Variants in BRCA1 observed in about 807,000 individuals in gnomAD.
BRCA1 encodes breast cancer type 1 susceptibility protein.
Under a neutral mutation model 173.7 loss-of-function variants are expected in BRCA1, and 140 were observed. The ratio of observed to expected loss-of-function variants is 0.81; its 90% CI spans 0.70 to 0.93. The LOEUF (loss-of-function observed/expected upper bound fraction) is 0.93, where lower values mean the gene tolerates loss of function less well. Among genes scored for constraint, BRCA1 ranks in the 40% least tolerant of loss-of-function variants. BRCA1 has a pLI of 0.00. For synonymous variants in BRCA1, 662 were observed against 756.0 expected (o/e 0.88, Z 2.04); for missense variants, 1,983 against 2,172.5 (o/e 0.91, Z 1.73).
rs1309871110 is a variant in BRCA1, at chr17:43,045,081, G to A, written c.*597C>T. 2 of 525,740 alleles carry A rather than the reference G, an allele frequency of 3.8e-6. No individual in the cohort carries two copies. The highest frequency in any genetic ancestry group is 3.8e-5 in the African/African-American group (2 of 53,316). The allele number at this position is 525,740 out of a possible 1,614,324, so 32.6% of individuals were successfully genotyped here. A position where few individuals can be genotyped will look rare whatever the true frequency, so the allele number is the denominator to read the frequency against. ...GGCCTCCCAAAGTGCTGGGATTACA[G>A]GCGTGAGCCACCATGCCCAGGTTTC... On this transcript the variant is annotated 3_prime_UTR_variant, in exon 23 of 23. Transcript: ENST00000357654.
intron 1 of BRCA1, among the ~76,000 whole-genome samples, chr17:43,151,576 G>A (rs1303108839): frequency 6.6e-6 from 1 of 151,928 alleles, no homozygotes; most frequent in Non-Finnish European, 1.5e-5. Flanking sequence ...TGTGCTAAAA[G>A]TTTTTTTTCC....
intron 7 of BRCA1, among the ~76,000 whole-genome samples, chr17:43,098,636 G>C (rs1019685561): frequency 1.3e-4 from 20 of 150,822 alleles, no homozygotes; most frequent in African/African-American, 4.4e-4. Flanking sequence ...CAAAGTATTG[G>C]GATTACAGGC....
chr17:43,127,186 C>T (rs1388225659), upstream of BRCA1, among the ~76,000 whole-genome samples: 1 of 152,246 alleles, frequency 6.6e-6, no homozygotes, highest in African/African-American at 2.4e-5. Flanking sequence ...CATCGACTGC[C>T]CAAGGGCTGA....
chr17:43,075,760 A>G (rs797019209), intron 13 of BRCA1, among the ~76,000 whole-genome samples: 18 of 152,218 alleles, frequency 1.2e-4, no homozygotes, highest in African/African-American at 4.3e-4. Context: ...ACTGGACTAC[A>G]TAGTCCAGTA....
chr17:43,052,878 GTT>G (rs1202201268), intron 19 of BRCA1, among the ~76,000 whole-genome samples: 7 of 130,350 alleles, frequency 5.4e-5, no homozygotes, highest in Admixed American at 7.8e-5. Flanking sequence ...AAGTCTGTGT[GTT>G]TTTTTTTTTT....
intron 3 of BRCA1, chr17:43,112,341 C>T (rs1014913163): frequency 6.6e-6 from 1 of 152,224 alleles, no homozygotes; most frequent in African/African-American, 2.4e-5. Flanking sequence ...CCACCTCAGC[C>T]TCCCAAAGTG....
Position 43,094,839 on chromosome 17 carries a change from G to T in BRCA1, c.692C>A (p.Thr231Lys), listed in dbSNP as rs80357001. ...AKKAACEFSE[T>K]DVTNTEHHQP... Reference sequence around the variant, plus strand: ...ATGATGTTCAGTATTTGTTACATCCGTCTCAGAAAATTCACAAGCAGCTGA... The same window carrying T: ...ATGATGTTCAGTATTTGTTACATCCTTCTCAGAAAATTCACAAGCAGCTGA... Residue 231 changes from threonine to lysine, a missense_variant, in exon 10 of 23, where the codon ACG becomes AAG. Coordinates refer to ENST00000357654, the MANE Select transcript of BRCA1 (RefSeq NM_007294.4). 1 of 1,612,612 alleles carries T rather than the reference G, an allele frequency of 6.2e-7. No individual in the cohort carries two copies. The highest frequency in any genetic ancestry group is 8.5e-7 in the Non-Finnish European group (1 of 1,179,426).
At chr17:43,062,194 A>G (rs1597817494) in intron 18 of BRCA1, among the ~76,000 whole-genome samples, 1 of 76,260 alleles carries the variant, frequency 1.3e-5, no homozygotes, top group Admixed American at 1.2e-4. Context: ...CCTGGGCTCA[A>G]GTGATTCTTC....
At chr17:43,051,414 C>G (rs1003206634) in intron 19 of BRCA1, among the ~76,000 whole-genome samples, 4 of 152,090 alleles carry the variant, frequency 2.6e-5, no homozygotes, top group Non-Finnish European at 5.9e-5. Context: ...CCAATCAGGC[C>G]AAGGCTCCTC....
rs1567795821 is a variant in BRCA1 at position 43,093,129 on chromosome 17, C to T, written c.2402G>A (p.Cys801Tyr). 2 of 1,613,580 alleles carry T rather than the reference C, an allele frequency of 1.2e-6. No homozygotes were observed. Among genetic ancestry groups the T allele is most frequent in the African/African-American group, 1.3e-5 (1 of 75,026 alleles). Reference sequence around the variant, plus strand: ...TTCAAATGCTGCACACTGACTCACACATTTATTTGGTTCTGTTTTTGCCTT... The same window carrying T: ...TTCAAATGCTGCACACTGACTCACATATTTATTTGGTTCTGTTTTTGCCTT... ...LGKAKTEPNK[C>Y]VSQCAAFENP... Residue 801 changes from cysteine to tyrosine, a missense_variant, in exon 10 of 23, where the codon TGT becomes TAT. Coordinates refer to ENST00000357654, the MANE Select transcript of BRCA1 (RefSeq NM_007294.4).
chr17:43,056,684 AAAG>A (rs2051472918), intron 19 of BRCA1, among the ~76,000 whole-genome samples: 1 of 152,004 alleles, frequency 6.6e-6, no homozygotes. Context: ...GGAAAAAAAA[AAAG>A]AGAGAGAGAG....
rs143652276 is a variant in BRCA1 at position 43,116,863 on chromosome 17, T to C, written c.81-1084A>G. On this transcript the variant is annotated intron_variant, in intron 2 of 22. Transcript: ENST00000357654. ...TAGGTGTCTCTTACTTTTTCTCCCT[T>C]GTCATTTATTTTTAAAATTAGGTCA... Among the ~76,000 whole-genome samples the C allele has an allele frequency of 2.5e-4, 38 of 152,306 alleles. No individual in the cohort carries two copies. The East Asian group carries it at 7.1e-3, about 29-fold the overall frequency.
intron 16 of BRCA1, among the ~76,000 whole-genome samples, chr17:43,067,014 C>T (rs577442222): frequency 9.5e-4 from 141 of 148,316 alleles, no homozygotes; most frequent in African/African-American, 3.5e-3. Flanking sequence ...GACGGGGTTT[C>T]AACACGTTGG....
chr17:43,097,309 AAAAT>A lies in BRCA1; in HGVS notation c.548-24_548-21del, dbSNP rs1158608835. On this transcript the variant is annotated intron_variant, in intron 7 of 22. Coordinates refer to ENST00000357654, the MANE Select transcript of BRCA1 (RefSeq NM_007294.4). ...CAGATCCTAAAAAATTTCCCCCCAAAAAATAAATCAATAAAAGTTTTCTTAATTA... is the reference window on the plus strand; with the variant it reads ...CAGATCCTAAAAAATTTCCCCCCAAAAAATCAATAAAAGTTTTCTTAATTA... 6.3e-7 allele frequency: 1 copy of A among 1,597,732 alleles called. No homozygotes were observed. Among genetic ancestry groups the A allele is most frequent in the African/African-American group, 1.3e-5 (1 of 74,450 alleles).
rs80356914 is a variant in BRCA1, at chr17:43,045,759, C to G, written c.5511G>C (p.Trp1837Cys). ...GGTAGAGTGCTACACTGTCCAACAC[C>G]CACTCTCGGGTCACCACAGGTGCCT... ...MCEAPVVTREWVLDSVALYQC... is the reference protein window; with the variant it reads ...MCEAPVVTRECVLDSVALYQC... The change falls in exon 23 of 23, where the codon TGG (tryptophan) becomes TGC (cysteine). Residue 1837 changes from tryptophan to cysteine, a missense_variant. Physicochemically the swap from Trp to Cys is radical, Grantham distance 215. Coordinates refer to ENST00000357654, the MANE Select transcript of BRCA1 (RefSeq NM_007294.4). 6.2e-7 allele frequency: 1 copy of G among 1,614,030 alleles called. No homozygotes were observed. Among genetic ancestry groups the G allele is most frequent in the South Asian group, 1.1e-5 (1 of 91,076 alleles).
intron 16 of BRCA1, among the ~76,000 whole-genome samples, chr17:43,066,568 G>A (rs896276325): frequency 2.6e-5 from 4 of 151,820 alleles, no homozygotes; most frequent in African/African-American, 4.8e-5. Flanking sequence ...ACACCACCAC[G>A]CCCAGCCAAT....
chr17:43,104,947 T>G lies in BRCA1; in HGVS notation c.222A>C (p.Gln74His), dbSNP rs730881465. Residue 74 changes from glutamine to histidine, a missense_variant, in exon 5 of 23, where the codon CAA becomes CAC. Gln to His is a conservative substitution (Grantham distance 24, BLOSUM62 0). Transcript: ENST00000357654. ...CKNDITKRSL[Q>H]ESTRFSQLVE... ...CAAGTTGACTAAATCTCGTACTTTCTTGTAGGCTCCTGAAATTAAATTGTT... is the reference window on the plus strand; with the variant it reads ...CAAGTTGACTAAATCTCGTACTTTCGTGTAGGCTCCTGAAATTAAATTGTT... The G allele has an allele frequency of 6.2e-7, 1 of 1,613,442 alleles. No homozygotes were observed. The highest frequency in any genetic ancestry group is 1.3e-5 in the African/African-American group (1 of 74,920).
chr17:43,118,583 G>A (rs539960293), intron 2 of BRCA1, among the ~76,000 whole-genome samples: 1 of 151,928 alleles, frequency 6.6e-6, no homozygotes, highest in South Asian at 2.1e-4. Flanking sequence ...CACCATGCCA[G>A]CCATCTTTTT....
chr17:43,050,564 G>T (rs920862431), intron 20 of BRCA1, among the ~76,000 whole-genome samples: 4 of 150,426 alleles, frequency 2.7e-5, no homozygotes, highest in Admixed American at 6.6e-5. Flanking sequence ...AGTGAGCCGA[G>T]ATCGCGCCAT....
Sources: allele counts gnomAD v4.1 joint callset (sites outside exome capture counted in the v4.1 genomes callset), GRCh38; gene constraint gnomAD v4.1.1; transcripts MANE v1.5; gene names NCBI Gene and HGNC (gene_info 2026-07-23, HGNC 2026-07-21).